The following ME1 variants were observed in gnomAD, a reference collection of about 807,000 sequenced individuals.
The protein encoded by ME1 is malic enzyme 1.
In ME1, 74 loss-of-function variants were observed where a neutral mutation model predicts 66.4. That is an observed-to-expected ratio of 1.11 (90% CI 0.92 to 1.35). The LOEUF (loss-of-function observed/expected upper bound fraction) is 1.35, where lower values mean the gene tolerates loss of function less well. Ranked by LOEUF, ME1 falls within the 40% of genes most tolerant of loss-of-function variation. ME1 has a pLI of 0.00. For missense variants in ME1, 750 were observed against 694.1 expected (o/e 1.08, Z -0.90); for synonymous variants, 251 against 235.6 (o/e 1.07, Z -0.60).
intron 6 of ME1, among the ~76,000 whole-genome samples, chr6:83,300,380 A>T (rs965806346): frequency 6.6e-6 from 1 of 152,178 alleles, no homozygotes; most frequent in African/African-American, 2.4e-5. Context: ...GCAAAAATTT[A>T]TAAATAGGAT....
intron 4 of ME1, among the ~76,000 whole-genome samples, chr6:83,348,466 G>A (rs1012087273): frequency 6.6e-6 from 1 of 152,062 alleles, no homozygotes; most frequent in Non-Finnish European, 1.5e-5. Context: ...TTTATAAGGA[G>A]AGTAATATTG....
At chr6:83,327,924 G>A (rs1456861742) in intron 5 of ME1, among the ~76,000 whole-genome samples, 8 of 152,176 alleles carry the variant, frequency 5.3e-5, no homozygotes, top group South Asian at 4.2e-4. Flanking sequence ...CAAGCCAGCC[G>A]ATGCTTAGGA....
chr6:83,229,002 T>C, intron 9 of ME1, 71 bp from the exon 10 acceptor site: 1 of 922,224 alleles, frequency 1.1e-6, no homozygotes. Context: ...TCGGTACATA[T>C]ATTACAAATA....
chr6:83,254,547 C>T (rs967859878), intron 6 of ME1, among the ~76,000 whole-genome samples: 1 of 152,110 alleles, frequency 6.6e-6, no homozygotes, highest in Non-Finnish European at 1.5e-5. Context: ...ACCTTTTATT[C>T]TCCTGGTCTC....
chr6:83,260,053 C>G (rs1394199199), intron 6 of ME1, among the ~76,000 whole-genome samples: 2 of 152,116 alleles, frequency 1.3e-5, no homozygotes, highest in Middle Eastern at 3.4e-3. Context: ...TACTATGAAT[C>G]TTTTTTCTTT....
At chr6:83,357,935 C>CTCTCTCTCTCTCTATATA (rs1447805761) in intron 3 of ME1, among the ~76,000 whole-genome samples, 2 of 30,040 alleles carry the variant, frequency 6.7e-5, no homozygotes, top group African/African-American at 1.2e-4. Context: ...CTCTCTCTCT[C>CTCTCTCTCTCTCTATATA]TATATATATA....
intron 5 of ME1, among the ~76,000 whole-genome samples, chr6:83,317,602 G>A (rs958441901): frequency 2.1e-4 from 32 of 151,802 alleles, no homozygotes; most frequent in African/African-American, 3.9e-4. Context: ...CAATCATGTC[G>A]TCTGCAAACA....
chr6:83,217,854 A>G (rs1790023062), intron 12 of ME1, among the ~76,000 whole-genome samples: 1 of 152,194 alleles, frequency 6.6e-6, no homozygotes, highest in South Asian at 2.1e-4. Context: ...AGCATTATCA[A>G]TGTCAAAAAA....
intron 5 of ME1, among the ~76,000 whole-genome samples, chr6:83,319,358 C>G (rs1039869832): frequency 1.3e-5 from 2 of 149,524 alleles, no homozygotes; most frequent in African/African-American, 4.9e-5. Context: ...GGAAAAAAAA[C>G]AAAAAAGGAA....
chr6:83,414,731 G>A (rs1425660795), intron 1 of ME1, among the ~76,000 whole-genome samples: 1 of 152,060 alleles, frequency 6.6e-6, no homozygotes, highest in African/African-American at 2.4e-5. Context: ...TAGATTCTTT[G>A]TAAGGCTGAA....
chr6:83,239,742 A>C lies in ME1; in HGVS notation c.815-106T>G. 4.0e-6 allele frequency: 3 copies of C among 749,222 alleles called. No homozygotes were observed. The East Asian group carries it at 7.9e-5, about 20-fold the overall frequency. The allele number at this position is 749,222 out of a possible 1,614,324, so 46.4% of individuals were successfully genotyped here. ...AATCATAAAACAGGTTAACTGGTAC[A>C]GAAGAGAAACCTGTGGTTGTCTTAT... is the stretch of plus-strand genomic sequence containing the variant. On this transcript the variant is annotated intron_variant, in intron 7 of 13. Transcript: ENST00000369705.
At chr6:83,243,732 ATATATAATTATATTATATTATATAT>A (rs1295471610) in intron 7 of ME1, among the ~76,000 whole-genome samples, 5 of 132,586 alleles carry the variant, frequency 3.8e-5, no homozygotes, top group South Asian at 2.2e-4. Context: ...TATTTATATA[ATATATAATTATATTATATTATATAT>A]TATATAATTA....
chr6:83,211,863 T>C lies in ME1; in HGVS notation c.*61A>G. On this transcript the variant is annotated 3_prime_UTR_variant, in exon 14 of 14. Transcript: ENST00000369705. The stretch of plus-strand genomic sequence containing the variant: ...TGAATCATTATAAAAGATTCCAACC[T>C]TTAAAAATTATGAAAGGTTTAAAGA... 8.4e-7 allele frequency: 1 copy of C among 1,184,082 alleles called. No individual in the cohort carries two copies. The allele number at this position is 1,184,082 out of a possible 1,614,324, so 73.3% of individuals were successfully genotyped here.
chr6:83,357,638 G>C (rs1001275379), intron 3 of ME1, among the ~76,000 whole-genome samples: 1 of 151,912 alleles, frequency 6.6e-6, no homozygotes, highest in African/African-American at 2.4e-5. Context: ...GCTGGGAAAG[G>C]TGGACCCACC....
chr6:83,398,363 A>T lies in ME1; in HGVS notation c.362+4T>A. On this transcript the variant is annotated splice_donor_region_variant and intron_variant, in intron 3 of 13. Transcript: ENST00000369705. Reference sequence around the variant, plus strand: ...AGTTGCATATAAAATAAAAGTTGACATACCTTGGCTTCCGAAACACCAAAC... The same window carrying T: ...AGTTGCATATAAAATAAAAGTTGACTTACCTTGGCTTCCGAAACACCAAAC... 1.3e-6 allele frequency: 2 copies of T among 1,563,938 alleles called. No homozygotes were observed. The highest frequency in any genetic ancestry group is 1.7e-6 in the Non-Finnish European group (2 of 1,161,666).
intron 1 of ME1, among the ~76,000 whole-genome samples, chr6:83,416,300 A>T (rs746549460): frequency 6.7e-4 from 102 of 152,362 alleles, no homozygotes; most frequent in African/African-American, 2.5e-3. Flanking sequence ...GTTTTAAAAT[A>T]AAGTCACTAA....
intron 6 of ME1, among the ~76,000 whole-genome samples, chr6:83,298,443 T>G (rs1767643176): frequency 6.6e-6 from 1 of 152,226 alleles, no homozygotes; most frequent in Non-Finnish European, 1.5e-5. Flanking sequence ...TTGTTTAAGT[T>G]CCTTGAAGAT....
Position 83,233,704 on chromosome 6 carries a change from AATTAT to A in ME1, c.1026+4008_1026+4012del, listed in dbSNP as rs1369689456. ...TATGGTATTTTTACATTTTATAAAC[AATTAT>A]ATTATAAGTTAATAAAATTAATAAA... is the stretch of plus-strand genomic sequence containing the variant. On this transcript the variant is annotated intron_variant, in intron 9 of 13. Transcript: ENST00000369705. Among the ~76,000 whole-genome samples, 20 of 151,858 alleles carry A rather than the reference AATTAT, an allele frequency of 1.3e-4. 1 individual carries two copies. The highest frequency in any genetic ancestry group is 8.3e-4 in the South Asian group (4 of 4,830).
chr6:83,312,949 G>A (rs1462028978), intron 6 of ME1, among the ~76,000 whole-genome samples: 1 of 152,058 alleles, frequency 6.6e-6, no homozygotes, highest in Non-Finnish European at 1.5e-5. Flanking sequence ...TAGAGACAGG[G>A]TTTCGCCATG....
Sources: allele counts gnomAD v4.1 joint callset (sites outside exome capture counted in the v4.1 genomes callset), GRCh38; gene constraint gnomAD v4.1.1; transcripts MANE v1.5; gene names NCBI Gene and HGNC (gene_info 2026-07-23, HGNC 2026-07-21).